The following MGAT3 variants were observed in gnomAD, a reference collection of about 807,000 sequenced individuals.
MGAT3 encodes beta-1,4-mannosyl-glycoprotein 4-beta-N-acetylglucosaminyltransferase, also known as GlcNAc-T III.
MGAT3 carries 9 observed loss-of-function variants against 29.8 expected under a neutral mutation model. The observed-to-expected ratio is 0.30, with a 90% CI of 0.18 to 0.53. The LOEUF (loss-of-function observed/expected upper bound fraction) is 0.53. Ranked by LOEUF, MGAT3 falls within the 20% of genes least tolerant of loss-of-function variation. The pLI, the probability that MGAT3 is intolerant of heterozygous loss-of-function variation, is 0.96. For missense variants in MGAT3, 557 were observed against 769.5 expected (o/e 0.72, Z 3.27); for synonymous variants, 397 against 348.9 (o/e 1.14, Z -1.54).
intron 1 of MGAT3, among the ~76,000 whole-genome samples, chr22:39,474,803 C>T (rs1317908447): frequency 6.6e-6 from 1 of 152,214 alleles, no homozygotes; most frequent in East Asian, 1.9e-4. Flanking sequence ...TGGCCTGTTC[C>T]CCCAGGCCAA....
At chr22:39,460,741 G>A (rs1456064455) in intron 1 of MGAT3, among the ~76,000 whole-genome samples, 1 of 152,184 alleles carries the variant, frequency 6.6e-6, no homozygotes, top group African/African-American at 2.4e-5. Context: ...AGGCTACAGT[G>A]AGTTGAGATT....
At chr22:39,465,984 T>G (rs1928634711) in intron 1 of MGAT3, among the ~76,000 whole-genome samples, 1 of 151,056 alleles carries the variant, frequency 6.6e-6, no homozygotes, top group Non-Finnish European at 1.5e-5. Flanking sequence ...AAATGCGCAC[T>G]GCCCGAAGGT....
chr22:39,490,310 C>G lies in MGAT3; in HGVS notation c.*1361C>G, dbSNP rs976617622. The G allele has an allele frequency of 1.8e-5, 3 of 167,110 alleles. No individual in the cohort carries two copies. Among genetic ancestry groups the G allele is most frequent in the African/African-American group, 4.8e-5 (2 of 41,456 alleles). 10.4% of individuals were successfully genotyped at this position (167,110 alleles called of 1,614,324 possible). A position where few individuals can be genotyped will look rare whatever the true frequency, so the allele number is the denominator to read the frequency against. On this transcript the variant is annotated 3_prime_UTR_variant, in exon 2 of 2. Transcript: ENST00000341184. ...GCATGAGCCAGAATTGGCAGGCTCACCTCTGCTGGCCTCTCATTGGCTGGG... is the reference window on the plus strand; with the variant it reads ...GCATGAGCCAGAATTGGCAGGCTCAGCTCTGCTGGCCTCTCATTGGCTGGG...
At position 39,487,093 on chromosome 22, in the gene MGAT3, GA is replaced by G; in HGVS notation, c.-1-253del. Reference sequence around the variant, plus strand: ...GGGCCAGGCGGAGAAGCAGGCTGCAGAGGGGGCAGGGTGGTGGCCTGGGGAT... The same window carrying G: ...GGGCCAGGCGGAGAAGCAGGCTGCAGGGGGGCAGGGTGGTGGCCTGGGGAT... On this transcript the variant is annotated intron_variant, in intron 1 of 1. Transcript: ENST00000341184. The surrounding 1 kb of genome is among the most constrained non-coding windows in gnomAD (Gnocchi z 5.7). Among the ~76,000 whole-genome samples, 1 of 152,166 alleles carries G rather than the reference GA, an allele frequency of 6.6e-6. No individual in the cohort carries two copies. Among genetic ancestry groups the G allele is most frequent in the Non-Finnish European group, 1.5e-5 (1 of 68,028 alleles).
chr22:39,475,964 A>G (rs1186791363), intron 1 of MGAT3: 3 of 152,322 alleles, frequency 2.0e-5, no homozygotes, highest in Non-Finnish European at 2.9e-5. Context: ...CAAAAACATT[A>G]TGGAATGAGC....
intron 1 of MGAT3, among the ~76,000 whole-genome samples, chr22:39,483,501 T>C: frequency 8.1e-6 from 1 of 123,286 alleles, no homozygotes; most frequent in South Asian, 2.6e-4. Context: ...AATTAAAAAA[T>C]TAAAAAAAAA....
intron 1 of MGAT3, among the ~76,000 whole-genome samples, chr22:39,467,284 C>T (rs1928675213): frequency 6.6e-6 from 1 of 151,946 alleles, no homozygotes; most frequent in Non-Finnish European, 1.5e-5. Flanking sequence ...AGAGCTGGTG[C>T]AGAGGGTGAA....
chr22:39,486,364 C>G (rs960541679), intron 1 of MGAT3: 1 of 254,586 alleles, frequency 3.9e-6, no homozygotes, highest in Non-Finnish European at 7.8e-6. Context: ...AGGCTGGTCT[C>G]GAACTCCTGA....
At chr22:39,484,256 G>A (rs1929207967) in intron 1 of MGAT3, among the ~76,000 whole-genome samples, 1 of 152,202 alleles carries the variant, frequency 6.6e-6, no homozygotes, top group Admixed American at 6.5e-5. Context: ...ATCCAGCCTT[G>A]AGCATTGAAG....
chr22:39,462,936 C>G (rs969490163), intron 1 of MGAT3, among the ~76,000 whole-genome samples: 1 of 152,136 alleles, frequency 6.6e-6, no homozygotes, highest in Admixed American at 6.5e-5. Context: ...GGGAGACAGA[C>G]CTGTGCACGT....
intron 1 of MGAT3, among the ~76,000 whole-genome samples, chr22:39,461,955 G>A (rs1928511296): frequency 1.3e-5 from 2 of 151,078 alleles, no homozygotes; most frequent in African/African-American, 4.9e-5. Flanking sequence ...AGGCTGGAGT[G>A]CAGTGGCATG....
intron 1 of MGAT3, among the ~76,000 whole-genome samples, chr22:39,473,373 C>A (rs945251455): frequency 4.6e-5 from 7 of 152,176 alleles, no homozygotes; most frequent in African/African-American, 1.4e-4. Flanking sequence ...CAGGGCTGAC[C>A]GCATGCAGTT....
At chr22:39,475,094 A>G (rs1928915099) in intron 1 of MGAT3, among the ~76,000 whole-genome samples, 1 of 136,752 alleles carries the variant, frequency 7.3e-6, no homozygotes, top group African/African-American at 2.8e-5. Flanking sequence ...GCTGGTGTGG[A>G]GTGAGGGATG....
chr22:39,461,797 G>C (rs1347024272), intron 1 of MGAT3, among the ~76,000 whole-genome samples: 1 of 152,082 alleles, frequency 6.6e-6, no homozygotes, highest in African/African-American at 2.4e-5. Context: ...AATATCAATA[G>C]CCAGCATGTG....
chr22:39,488,719 C>G lies in MGAT3; in HGVS notation c.1372C>G (p.Leu458Val), dbSNP rs1333418741. The G allele has an allele frequency of 1.2e-6, 2 of 1,613,804 alleles. No individual in the cohort carries two copies. The highest frequency in any genetic ancestry group is 1.1e-5 in the South Asian group (1 of 91,076). ...GCGGGACCTGAACTACATCCGCGGC[C>G]TGATCCGCACCGGGGGCTGGTTCGA... is the stretch of plus-strand genomic sequence containing the variant. Reference protein sequence around the residue: ...DKRDLNYIRGLIRTGGWFDGT... With the variant: ...DKRDLNYIRGVIRTGGWFDGT... The change falls in exon 2 of 2, where the codon CTG becomes GTG. Residue 458 changes from leucine (L) to valine (V), a missense_variant. This residue lies in a region of MGAT3 where 243 missense variants were observed against 444.0 expected (regional missense o/e 0.55). Transcript: ENST00000341184.
In MGAT3 at chr22:39,488,474, T is replaced by A. The variant is rs779068613; in HGVS notation, c.1127T>A (p.Leu376Gln). Residue 376 changes from leucine to glutamine, a missense_variant, in exon 2 of 2, where the codon CTG becomes CAG. Transcript: ENST00000341184. ...TVDMLQAVYG[L>Q]DGIRLRRRQY... ...GACATGCTGCAGGCAGTGTATGGGC[T>A]GGACGGCATCCGCCTGCGCCGCCGC... is the stretch of plus-strand genomic sequence containing the variant. The A allele has an allele frequency of 6.2e-7, 1 of 1,612,896 alleles. No homozygotes were observed. The highest frequency in any genetic ancestry group is 2.2e-5 in the East Asian group (1 of 44,866).
At chr22:39,477,297 C>T (rs999806926) in intron 1 of MGAT3, among the ~76,000 whole-genome samples, 1 of 152,232 alleles carries the variant, frequency 6.6e-6, no homozygotes, top group African/African-American at 2.4e-5. Context: ...AGTCTGCAGG[C>T]CTCGGCTGGG....
chr22:39,470,482 C>T (rs894430768), intron 1 of MGAT3, among the ~76,000 whole-genome samples: 8 of 152,120 alleles, frequency 5.3e-5, no homozygotes, highest in Admixed American at 3.9e-4. Context: ...GTCCATGGCA[C>T]GCAGAGGAGT....
intron 1 of MGAT3, among the ~76,000 whole-genome samples, chr22:39,465,531 C>A (rs530948156): frequency 6.6e-6 from 1 of 152,334 alleles, no homozygotes; most frequent in East Asian, 1.9e-4. Context: ...AGGTCCCTCA[C>A]CCGTCAGGCA....
Sources: allele counts gnomAD v4.1 joint callset (sites outside exome capture counted in the v4.1 genomes callset), GRCh38; gene constraint gnomAD v4.1.1; regional missense constraint gnomAD v4.1.1; non-coding constraint Gnocchi (gnomAD v3.1); transcripts MANE v1.5; gene names NCBI Gene and HGNC (gene_info 2026-07-23, HGNC 2026-07-21).